The following TRDN variants were observed in gnomAD, a reference collection of about 807,000 sequenced individuals.
TRDN encodes triadin.
A neutral mutation model predicts 149.7 loss-of-function variants in TRDN; 161 were observed. The observed-to-expected ratio is 1.08, with a 90% CI of 0.95 to 1.23. TRDN has a LOEUF of 1.23. Among genes scored for constraint, TRDN ranks in the 50% most tolerant of loss-of-function variants. The probability of loss-of-function intolerance (pLI) is 0.00; values close to 1 mark genes in which losing one functional copy is unlikely to be tolerated. For synonymous variants in TRDN, 294 were observed against 250.5 expected (o/e 1.17, Z -1.64); for missense variants, 896 against 823.5 (o/e 1.09, Z -1.08).
intron 7 of TRDN, 111 bp downstream of exon 7, chr6:123,512,192 T>C (rs574389863): frequency 1.6e-6 from 1 of 611,706 alleles, no homozygotes; most frequent in South Asian, 2.7e-5. Context: ...CCAAATTAAC[T>C]TTTTAATATA....
chr6:123,245,832 T>C (rs1414247113), intron 38 of TRDN, among the ~76,000 whole-genome samples: 1 of 152,106 alleles, frequency 6.6e-6, no homozygotes, highest in Non-Finnish European at 1.5e-5. Context: ...ATTGACCACA[T>C]AGTTGGAAGT....
At chr6:123,608,629 A>T (rs1020253555) in intron 1 of TRDN, among the ~76,000 whole-genome samples, 1 of 152,202 alleles carries the variant, frequency 6.6e-6, no homozygotes, top group Non-Finnish European at 1.5e-5. Flanking sequence ...TTTAAAAATG[A>T]TATGTTTTTT....
intron 19 of TRDN, among the ~76,000 whole-genome samples, chr6:123,374,341 A>T (rs1231586612): frequency 6.6e-6 from 1 of 152,104 alleles, no homozygotes; most frequent in Non-Finnish European, 1.5e-5. Flanking sequence ...GCAATCTTCA[A>T]TCTAAAGCTC....
intron 6 of TRDN, among the ~76,000 whole-genome samples, chr6:123,514,104 C>G (rs771023106): frequency 3.9e-5 from 6 of 152,112 alleles, no homozygotes; most frequent in Non-Finnish European, 8.8e-5. Context: ...GTGGCTCACA[C>G]CTGTAATCCC....
chr6:123,360,720 GGAGAGA>G (rs71541228), intron 20 of TRDN, among the ~76,000 whole-genome samples: 107 of 143,086 alleles, frequency 7.5e-4, no homozygotes, highest in African/African-American at 2.7e-3. Flanking sequence ...AGAGAGAGAC[GGAGAGA>G]GAGAGAGAGA....
chr6:123,539,666 TG>T, intron 4 of TRDN, among the ~76,000 whole-genome samples: 1 of 152,338 alleles, frequency 6.6e-6, no homozygotes, highest in South Asian at 2.1e-4. Context: ...GTTATTCCAA[TG>T]GCTTAGGTCA....
chr6:123,461,957 G>A (rs906767524), intron 10 of TRDN, among the ~76,000 whole-genome samples: 1 of 151,982 alleles, frequency 6.6e-6, no homozygotes, highest in Non-Finnish European at 1.5e-5. Context: ...CAATAGACAC[G>A]GGAATTCAAA....
In TRDN at chr6:123,585,037, A is replaced by C. The variant is rs9401685; in HGVS notation, c.23-13905T>G. 2.2e-4 allele frequency among the ~76,000 whole-genome samples: 33 copies of C among 151,220 alleles called. No homozygotes were observed. The East Asian group carries it at 5.3e-3, about 24-fold the overall frequency. ...TTCAAAGCATGCTGTGGGATGGGAT[A>C]TTGGCATTGATTGGAGTAAGGGTGA... On this transcript the variant is annotated intron_variant, in intron 1 of 40. Transcript: ENST00000334268.
chr6:123,576,626 C>T (rs995073724), intron 1 of TRDN, among the ~76,000 whole-genome samples: 1 of 152,038 alleles, frequency 6.6e-6, no homozygotes, highest in Non-Finnish European at 1.5e-5. Flanking sequence ...TGGGCTCCAC[C>T]TTCCTGCCCT....
rs1162190609 is a variant in TRDN, at chr6:123,574,857, CATATATATAT to C, written c.23-3735_23-3726del. On this transcript the variant is annotated intron_variant, in intron 1 of 40. Transcript: ENST00000334268. ...AAAACAGAACATGAATTTATATATACATATATATATATATATATATATATATATATATATA... is the reference window on the plus strand; with the variant it reads ...AAAACAGAACATGAATTTATATATACATATATATATATATATATATATATA... Among the ~76,000 whole-genome samples the C allele has an allele frequency of 5.7e-4, 29 of 50,570 alleles. 1 individual carries two copies. The highest frequency in any genetic ancestry group is 1.4e-3 in the African/African-American group (17 of 12,392). The allele number at this position is 50,570 out of a possible 152,430, so 33.2% of individuals were successfully genotyped here.
chr6:123,446,499 G>A (rs148008762), intron 10 of TRDN, among the ~76,000 whole-genome samples: 6,761 of 150,682 alleles, frequency 0.045, 513 homozygotes, highest in African/African-American at 0.16. Context: ...GCAGAAGAAC[G>A]GCGTGAACCC....
intron 10 of TRDN, among the ~76,000 whole-genome samples, chr6:123,446,051 A>C (rs974235576): frequency 4.4e-4 from 67 of 151,608 alleles, no homozygotes; most frequent in Admixed American, 1.1e-3. Context: ...GAATACTATG[A>C]AGCCATAAAA....
At chr6:123,425,467 A>G (rs1201993462) in intron 12 of TRDN, among the ~76,000 whole-genome samples, 1 of 152,046 alleles carries the variant, frequency 6.6e-6, no homozygotes, top group Non-Finnish European at 1.5e-5. Context: ...TTTTAAATTT[A>G]TGAAACTATG....
chr6:123,441,133 CTG>C (rs931394724), intron 10 of TRDN: 1 of 152,090 alleles, frequency 6.6e-6, no homozygotes, highest in African/African-American at 2.4e-5. Context: ...ACTATTGTCT[CTG>C]TTATATAGGT....
At chr6:123,467,377 G>T (rs1776887300) in intron 9 of TRDN, among the ~76,000 whole-genome samples, 1 of 151,622 alleles carries the variant, frequency 6.6e-6, no homozygotes, top group Admixed American at 6.6e-5. Context: ...ACACAAACTG[G>T]TGCTTCTGCG....
rs139147528 is a variant in TRDN at position 123,567,186 on chromosome 6, A to G, written c.232+3737T>C. Among the ~76,000 whole-genome samples the G allele has an allele frequency of 1.8e-4, 28 of 152,358 alleles. 1 individual carries two copies. The East Asian group carries it at 3.9e-3, about 21-fold the overall frequency. ...TACTTAAAACTCTAGGTCATAATTT[A>G]CATTATAGACATTACAACTGTGTAT... On this transcript the variant is annotated intron_variant, in intron 2 of 40. Coordinates refer to ENST00000334268, the MANE Select transcript of TRDN (RefSeq NM_006073.4).
intron 5 of TRDN, among the ~76,000 whole-genome samples, chr6:123,525,776 A>T (rs1779914447): frequency 6.6e-6 from 1 of 152,064 alleles, no homozygotes; most frequent in Non-Finnish European, 1.5e-5. Flanking sequence ...ATGCTTGTCA[A>T]GACTTCTTTC....
intron 24 of TRDN, among the ~76,000 whole-genome samples, chr6:123,302,626 T>A (rs1020863502): frequency 6.6e-6 from 1 of 151,838 alleles, no homozygotes; most frequent in African/African-American, 2.4e-5. Flanking sequence ...AATAAAACAC[T>A]GAAAAGTCAA....
In TRDN at chr6:123,507,020, T is replaced by C. The variant is rs573294932; in HGVS notation, c.611-3119A>G. Among the ~76,000 whole-genome samples the C allele has an allele frequency of 3.9e-5, 6 of 152,278 alleles. No individual in the cohort carries two copies. In the East Asian group the frequency reaches 1.2e-3, roughly 29 times the overall value. Reference sequence around the variant, plus strand: ...TGCTTCTTTCAGAGAAAACAGAGGATAAATGTATACTGGATTAGCAATTTT... The same window carrying C: ...TGCTTCTTTCAGAGAAAACAGAGGACAAATGTATACTGGATTAGCAATTTT... On this transcript the variant is annotated intron_variant, in intron 7 of 40. Transcript: ENST00000334268.
Sources: gnomAD v4.1 joint callset for allele counts (sites outside exome capture counted in the v4.1 genomes callset) on GRCh38, gnomAD v4.1.1 for gene constraint, MANE v1.5 for transcripts, NCBI Gene and HGNC (gene_info 2026-07-23, HGNC 2026-07-21) for gene names.